SLC4A4: variants seen among roughly 807,000 people sequenced by gnomAD.
SLC4A4 encodes solute carrier family 4 member 4, also known as electrogenic sodium bicarbonate cotransporter 1.
In SLC4A4, 27 loss-of-function variants were observed where a neutral mutation model predicts 111.5. That is an observed-to-expected ratio of 0.24 (90% CI 0.18 to 0.33). The LOEUF is 0.33. Ranked by LOEUF, SLC4A4 falls within the 10% of genes least tolerant of loss-of-function variation. The probability of loss-of-function intolerance (pLI) is 1.00; values close to 1 mark genes in which losing one functional copy is unlikely to be tolerated. For missense variants in SLC4A4, 909 were observed against 1,315.5 expected (o/e 0.69, Z 4.78); for synonymous variants, 443 against 463.4 (o/e 0.96, Z 0.57).
At chr4:71,126,337 T>C (rs1468504268) in intron 2 of SLC4A4, among the ~76,000 whole-genome samples, 1 of 152,216 alleles carries the variant, frequency 6.6e-6, no homozygotes, top group African/African-American at 2.4e-5. Context: ...AATCAAATTA[T>C]TCTCATGTTA....
At chr4:71,466,384 A>G (rs1727314969) in intron 12 of SLC4A4, 60 bp from the exon 13 acceptor site, 2 of 1,601,814 alleles carry the variant, frequency 1.2e-6, no homozygotes, top group African/African-American at 1.3e-5. Flanking sequence ...GCCTAGTGAC[A>G]TCACAAATGA....
chr4:71,392,692 C>T (rs1196752168), intron 6 of SLC4A4, among the ~76,000 whole-genome samples: 1 of 152,046 alleles, frequency 6.6e-6, no homozygotes, highest in Non-Finnish European at 1.5e-5. Flanking sequence ...AATACCCAAA[C>T]CAGGAAAGGA....
At chr4:71,262,533 G>C (rs2579328) in intron 3 of SLC4A4, among the ~76,000 whole-genome samples, 135,490 of 152,174 alleles carry the variant, frequency 0.89, 61,899 homozygotes, top group Non-Finnish European at 0.99. Context: ...CTTCTCTGTT[G>C]TTTTTCTTCC....
At chr4:71,099,555 C>A (rs996380890) in intron 2 of SLC4A4, among the ~76,000 whole-genome samples, 2 of 151,888 alleles carry the variant, frequency 1.3e-5, no homozygotes, top group African/African-American at 4.8e-5. Flanking sequence ...AGCAAACCAA[C>A]CCCAATGCTA....
At chr4:71,322,328 T>A (rs1028819490) in intron 3 of SLC4A4, among the ~76,000 whole-genome samples, 8 of 151,892 alleles carry the variant, frequency 5.3e-5, no homozygotes, top group African/African-American at 1.9e-4. Context: ...TTCTTTAAGG[T>A]TCGGTGCCTC....
chr4:71,172,076 A>G (rs532901663), intron 2 of SLC4A4, among the ~76,000 whole-genome samples: 1 of 152,272 alleles, frequency 6.6e-6, no homozygotes, highest in Admixed American at 6.5e-5. Flanking sequence ...CACTACACCT[A>G]TGAAAAAAAT....
At chr4:71,410,295 C>G (rs1478440822) in intron 7 of SLC4A4, among the ~76,000 whole-genome samples, 1 of 152,146 alleles carries the variant, frequency 6.6e-6, no homozygotes, top group African/African-American at 2.4e-5. Context: ...AATGCCAGCC[C>G]ATGAAGGCAG....
At chr4:71,101,591 C>G (rs1055677663) in intron 2 of SLC4A4, among the ~76,000 whole-genome samples, 1 of 152,172 alleles carries the variant, frequency 6.6e-6, no homozygotes, top group Non-Finnish European at 1.5e-5. Context: ...GGCAGACTGC[C>G]TCCTCAGGTG....
chr4:71,209,492 C>T (rs944921096), intron 1 of SLC4A4, among the ~76,000 whole-genome samples: 3 of 152,168 alleles, frequency 2.0e-5, no homozygotes, highest in Non-Finnish European at 4.4e-5. Context: ...ACACTTAGAT[C>T]ACATTGTTGC....
intron 2 of SLC4A4, among the ~76,000 whole-genome samples, chr4:71,165,316 A>G (rs1376539284): frequency 2.0e-5 from 3 of 152,244 alleles, no homozygotes; most frequent in Non-Finnish European, 2.9e-5. Flanking sequence ...ATGCCCATCA[A>G]TGATGGTCTG....
chr4:71,064,436 G>T (rs1741463377), intron 1 of SLC4A4, among the ~76,000 whole-genome samples: 1 of 152,148 alleles, frequency 6.6e-6, no homozygotes, highest in African/African-American at 2.4e-5. Flanking sequence ...CTTTGAAGGG[G>T]AATATAATAG....
At chr4:71,229,649 GA>G (rs1459726016) in intron 1 of SLC4A4, among the ~76,000 whole-genome samples, 1 of 152,044 alleles carries the variant, frequency 6.6e-6, no homozygotes, top group Non-Finnish European at 1.5e-5. Flanking sequence ...TGATCTCCGG[GA>G]GTCATCACTG....
chr4:71,449,320 C>G (rs1577931640), intron 9 of SLC4A4, among the ~76,000 whole-genome samples: 1 of 152,116 alleles, frequency 6.6e-6, no homozygotes, highest in East Asian at 1.9e-4. Flanking sequence ...CTAGAGCTTT[C>G]CCAGACAGCC....
chr4:71,087,952 G>A lies in SLC4A4; in HGVS notation c.-64-4778G>A, dbSNP rs190215230. 1.2e-3 allele frequency among the ~76,000 whole-genome samples: 180 copies of A among 151,956 alleles called. 2 individuals carry two copies. The highest frequency in any genetic ancestry group is 4.2e-3 in the African/African-American group (175 of 41,310). On this transcript the variant is annotated intron_variant, in intron 1 of 26. Coordinates refer to the SLC4A4 transcript ENST00000649996. ...GGTGCAGAGCTGAGTTCAATTCCTG[G>A]ATATCCTTGTTAACTTTCTGTCTCA...
intron 7 of SLC4A4, among the ~76,000 whole-genome samples, chr4:71,402,010 T>G (rs1356596503): frequency 6.6e-6 from 1 of 152,194 alleles, no homozygotes; most frequent in Non-Finnish European, 1.5e-5. Context: ...GAGTTTTGCC[T>G]AAGGTTACTT....
chr4:71,325,742 C>T (rs1196243931), intron 3 of SLC4A4, among the ~76,000 whole-genome samples: 1 of 151,894 alleles, frequency 6.6e-6, no homozygotes, highest in African/African-American at 2.4e-5. Flanking sequence ...ATTGCTCAGA[C>T]CTGGGTCATA....
In SLC4A4 at chr4:71,511,414, T is replaced by A. The variant is rs572080421; in HGVS notation, c.2166+13722T>A. ...TGTTTTCCCCTTATGCTCTTTTTTT[T>A]GTTTTATTTTGGAGATTTGTCTTTT... On this transcript the variant is annotated intron_variant, in intron 16 of 25. Transcript: ENST00000264485. 2.0e-5 allele frequency among the ~76,000 whole-genome samples: 3 copies of A among 152,240 alleles called. No individual in the cohort carries two copies. The East Asian group carries it at 5.8e-4, about 29-fold the overall frequency.
At chr4:71,215,138 CA>C (rs1284836791) in intron 1 of SLC4A4, among the ~76,000 whole-genome samples, 1 of 152,200 alleles carries the variant, frequency 6.6e-6, no homozygotes, top group African/African-American at 2.4e-5. Context: ...AACGGTATCA[CA>C]AATGTTGGAT....
At chr4:71,251,279 G>A (rs1482431190) in intron 2 of SLC4A4, among the ~76,000 whole-genome samples, 2 of 152,146 alleles carry the variant, frequency 1.3e-5, no homozygotes, top group African/African-American at 4.8e-5. Flanking sequence ...TAAGTTTTTT[G>A]TTTGCCAGAA....
Sources: allele counts gnomAD v4.1 joint callset (sites outside exome capture counted in the v4.1 genomes callset), GRCh38; gene constraint gnomAD v4.1.1; transcripts MANE v1.5; gene names NCBI Gene and HGNC (gene_info 2026-07-23, HGNC 2026-07-21).